The following PNKD variants were observed in gnomAD, a reference collection of about 807,000 sequenced individuals.
PNKD encodes the protein probable thioesterase PNKD.
In PNKD, 36 loss-of-function variants were observed where a neutral mutation model predicts 45.3. The observed-to-expected ratio is 0.80, with a 90% CI of 0.61 to 1.05. The LOEUF is 1.05. Among genes scored for constraint, PNKD ranks in the 50% least tolerant of loss-of-function variants. The pLI is 0.00. For missense variants in PNKD, 511 were observed against 506.6 expected, an observed-to-expected ratio of 1.01 and a Z score of -0.08; for synonymous variants, 197 against 210.1, an observed-to-expected ratio of 0.94 and a Z score of 0.54.
At chr2:218,334,818 T>C (rs747254790) in intron 2 of PNKD, 157 of 693,054 alleles carry the variant, frequency 2.3e-4, no homozygotes, top group South Asian at 7.5e-4. Flanking sequence ...ATGGCCTTTA[T>C]AATTAGTGGT....
At chr2:218,339,969 A>G in intron 3 of PNKD, 60 bp from the exon 4 acceptor site, 2 of 1,444,200 alleles carry the variant, frequency 1.4e-6, no homozygotes, top group Non-Finnish European at 1.9e-6. Context: ...TCCCCTTCAC[A>G]TACCCCAGCC....
chr2:218,324,128 T>C (rs1694075352), intron 2 of PNKD, among the ~76,000 whole-genome samples: 1 of 151,964 alleles, frequency 6.6e-6, no homozygotes, highest in Non-Finnish European at 1.5e-5. Context: ...CCTCTACCCC[T>C]TCCTTCCTGG....
chr2:218,345,069 A>C lies in PNKD; in HGVS notation c.*88A>C. 1 of 1,031,468 alleles carries C rather than the reference A, an allele frequency of 9.7e-7. No homozygotes were observed. The allele number at this position is 1,031,468 out of a possible 1,614,324, so 63.9% of individuals were successfully genotyped here. A position where few individuals can be genotyped will look rare whatever the true frequency, so the allele number is the denominator to read the frequency against. ...CATCATCCTTCTCATCGCTAACACC[A>C]CCACCTCCATCGGCACCCAAGCGGG... On this transcript the variant is annotated 3_prime_UTR_variant, in exon 10 of 10. Transcript: ENST00000273077.
intron 2 of PNKD, chr2:218,275,982 C>A: frequency 6.3e-7 from 1 of 1,589,696 alleles, no homozygotes; most frequent in Non-Finnish European, 8.6e-7. Flanking sequence ...GATTCCTCCC[C>A]TCATCCCCTC....
chr2:218,293,905 G>A (rs1693068555), intron 2 of PNKD, among the ~76,000 whole-genome samples: 1 of 134,866 alleles, frequency 7.4e-6, no homozygotes, highest in African/African-American at 2.8e-5. Context: ...GAGCCACCAC[G>A]TCCAGCCCCA....
chr2:218,273,740 C>A (rs188195406), intron 2 of PNKD, among the ~76,000 whole-genome samples: 233 of 151,828 alleles, frequency 1.5e-3, no homozygotes, highest in African/African-American at 5.3e-3. Flanking sequence ...GATTCCCCCC[C>A]ACCGCCCTCG....
intron 2 of PNKD, chr2:218,323,404 A>C (rs75407411): frequency 3.8e-6 from 6 of 1,574,542 alleles, no homozygotes; most frequent in Non-Finnish European, 2.6e-6. Flanking sequence ...CTCATGGCGC[A>C]CAGCCAGCGG....
intron 2 of PNKD, among the ~76,000 whole-genome samples, chr2:218,335,572 C>T (rs1334917853): frequency 6.6e-6 from 1 of 150,894 alleles, no homozygotes; most frequent in East Asian, 1.9e-4. Flanking sequence ...GTGTTCAGTG[C>T]CTGGCCAATA....
chr2:218,277,388 G>A (rs1691331335), intron 2 of PNKD: 1 of 1,614,130 alleles, frequency 6.2e-7, no homozygotes, highest in Non-Finnish European at 8.5e-7. Context: ...GCAGAAGATG[G>A]TGACTGAAAT....
intron 2 of PNKD, chr2:218,279,235 G>T: frequency 1.9e-6 from 3 of 1,560,338 alleles, no homozygotes; most frequent in Non-Finnish European, 2.6e-6. Context: ...CCCCCAGCAG[G>T]TGACCCTGAA....
At chr2:218,324,725 A>C (rs1181250152) in intron 2 of PNKD, among the ~76,000 whole-genome samples, 1 of 151,888 alleles carries the variant, frequency 6.6e-6, no homozygotes, top group East Asian at 2.0e-4. Flanking sequence ...TCCTGAGGTC[A>C]GGAATTCGAG....
At chr2:218,279,072 C>T (rs751465717) in intron 2 of PNKD, 1 of 1,614,050 alleles carries the variant, frequency 6.2e-7, no homozygotes. Flanking sequence ...TTTCTCCTCA[C>T]AAAGGCGCTG....
chr2:218,284,422 A>G (rs1692332469), intron 2 of PNKD, among the ~76,000 whole-genome samples: 1 of 152,238 alleles, frequency 6.6e-6, no homozygotes. Flanking sequence ...GCAAACAGCT[A>G]ACTTTCCAGA....
At chr2:218,289,241 G>C (rs773635759) in intron 2 of PNKD, among the ~76,000 whole-genome samples, 4 of 69,142 alleles carry the variant, frequency 5.8e-5, no homozygotes, top group Non-Finnish European at 8.7e-5. Context: ...CTGGGTCCTG[G>C]GCTAGGAGGT....
At chr2:218,315,158 T>G (rs1193036459) in intron 2 of PNKD, among the ~76,000 whole-genome samples, 1 of 149,948 alleles carries the variant, frequency 6.7e-6, no homozygotes, top group Admixed American at 6.8e-5. Flanking sequence ...CTTTCTTTCT[T>G]TTTTGAGACA....
At chr2:218,324,729 A>G (rs113307821) in intron 2 of PNKD, among the ~76,000 whole-genome samples, 24,395 of 151,648 alleles carry the variant, frequency 0.16, 4,738 homozygotes, top group African/African-American at 0.47. Context: ...GAGGTCAGGA[A>G]TTCGAGACCA....
chr2:218,337,898 C>G (rs1310423706), intron 2 of PNKD, among the ~76,000 whole-genome samples: 1 of 152,066 alleles, frequency 6.6e-6, no homozygotes, highest in Non-Finnish European at 1.5e-5. Context: ...CCTGTAATCC[C>G]AGCACTTTGG....
intron 2 of PNKD, among the ~76,000 whole-genome samples, chr2:218,290,508 A>G (rs1403736019): frequency 6.6e-6 from 1 of 152,196 alleles, no homozygotes; most frequent in Non-Finnish European, 1.5e-5. Context: ...GGGTCAGCCC[A>G]GTGCCAGGAT....
intron 2 of PNKD, among the ~76,000 whole-genome samples, chr2:218,322,260 C>T (rs1182818465): frequency 1.3e-5 from 2 of 152,202 alleles, no homozygotes; most frequent in Non-Finnish European, 2.9e-5. Flanking sequence ...CCTTCCTGTC[C>T]TGGGCCAGAG....
Sources: gnomAD v4.1 joint callset for allele counts (sites outside exome capture counted in the v4.1 genomes callset) on GRCh38, gnomAD v4.1.1 for gene constraint, MANE v1.5 for transcripts, NCBI Gene and HGNC (gene_info 2026-07-23, HGNC 2026-07-21) for gene names.